Variants in CDIN1 observed in about 807,000 individuals in gnomAD.
CDIN1 encodes the protein CDAN1-interacting nuclease 1.
In CDIN1, 33 loss-of-function variants were observed where a neutral mutation model predicts 45.3. The ratio of observed to expected loss-of-function variants is 0.73; its 90% CI spans 0.55 to 0.97. The LOEUF (loss-of-function observed/expected upper bound fraction) is 0.97. CDIN1 is among the 50% of genes least tolerant of loss of function. CDIN1 has a pLI of 0.00. For synonymous variants in CDIN1, 118 were observed against 124.4 expected (o/e 0.95, Z 0.34); for missense variants, 303 against 339.4 (o/e 0.89, Z 0.84).
Position 36,694,644 on chromosome 15 carries a change from T to G in CDIN1, c.476+2469T>G, listed in dbSNP as rs1666904802. Among the ~76,000 whole-genome samples, 3 of 152,144 alleles carry G rather than the reference T, an allele frequency of 2.0e-5. No individual in the cohort carries two copies. In the South Asian group the frequency reaches 6.2e-4, roughly 32 times the overall value. ...CCACCTACACCTTTCCCACCACAGC[T>G]TATACTCACCAAGGAAAAAATGTGA... On this transcript the variant is annotated intron_variant, in intron 7 of 10. Transcript: ENST00000566621.
intron 10 of CDIN1, among the ~76,000 whole-genome samples, chr15:36,725,648 G>T (rs2043596617): frequency 6.6e-6 from 1 of 152,182 alleles, no homozygotes. Flanking sequence ...TGAAGAGTTA[G>T]TTGGAGGCAA....
chr15:36,600,133 T>C (rs1226432976), intron 1 of CDIN1, among the ~76,000 whole-genome samples: 2 of 152,334 alleles, frequency 1.3e-5, no homozygotes, highest in South Asian at 4.1e-4. Context: ...AGAGGCCTCT[T>C]AGGCCCTTTT....
At chr15:36,699,241 G>GT (rs2042546656) in intron 8 of CDIN1, among the ~76,000 whole-genome samples, 1 of 152,078 alleles carries the variant, frequency 6.6e-6, no homozygotes, top group Non-Finnish European at 1.5e-5. Flanking sequence ...TATGTTTGTG[G>GT]TTGAAAAATG....
Position 36,749,213 on chromosome 15 carries a change from A to C in CDIN1, c.716+39252A>C, listed in dbSNP as rs187797478. 4.1e-3 allele frequency among the ~76,000 whole-genome samples: 629 copies of C among 152,330 alleles called. 2 individuals carry two copies. Among genetic ancestry groups the C allele is most frequent in the Non-Finnish European group, 6.7e-3 (458 of 68,016 alleles). ...ACCATTAACTTGGATTTCTGTTCTT[A>C]ATTTTAATGTATACGATTTCAAGCA... is the stretch of plus-strand genomic sequence containing the variant. On this transcript the variant is annotated intron_variant, in intron 10 of 10. Transcript: ENST00000566621.
chr15:36,766,693 T>C (rs1277106505), intron 10 of CDIN1, among the ~76,000 whole-genome samples: 1 of 152,238 alleles, frequency 6.6e-6, no homozygotes, highest in Non-Finnish European at 1.5e-5. Context: ...AGTTTTCTTA[T>C]ACCTATTGGC....
At chr15:36,626,587 C>G in intron 1 of CDIN1, 1 of 263,386 alleles carries the variant, frequency 3.8e-6, no homozygotes, top group Non-Finnish European at 7.3e-6. Flanking sequence ...TAATAGCAAG[C>G]AATATGCTTG....
intron 1 of CDIN1, among the ~76,000 whole-genome samples, chr15:36,595,658 C>G (rs927500457): frequency 6.6e-6 from 1 of 152,176 alleles, no homozygotes; most frequent in African/African-American, 2.4e-5. Context: ...CTGATCAGCT[C>G]TGAAGCACTG....
At chr15:36,802,359 A>ATG (rs1482992434) in intron 10 of CDIN1, among the ~76,000 whole-genome samples, 1 of 152,194 alleles carries the variant, frequency 6.6e-6, no homozygotes, top group African/African-American at 2.4e-5. Context: ...ATCTTTATAG[A>ATG]CATAATGATT....
At chr15:36,753,518 G>C (rs562209910) in intron 10 of CDIN1, among the ~76,000 whole-genome samples, 76 of 151,770 alleles carry the variant, frequency 5.0e-4, no homozygotes, top group African/African-American at 1.6e-3. Flanking sequence ...TCAATACCTA[G>C]CTTGGAACTC....
At chr15:36,737,408 G>A (rs761530113) in intron 10 of CDIN1, among the ~76,000 whole-genome samples, 78 of 152,322 alleles carry the variant, frequency 5.1e-4, no homozygotes, top group Non-Finnish European at 9.1e-4. Context: ...TTGCCAGAGT[G>A]TGCCACCGTA....
rs1195769982 is a variant in CDIN1, at chr15:36,809,850, AG to A, written c.*1399del. 2 of 152,186 alleles carry A rather than the reference AG, an allele frequency of 1.3e-5. No homozygotes were observed. The highest frequency in any genetic ancestry group is 2.4e-5 in the African/African-American group (1 of 41,448). The allele number at this position is 152,186 out of a possible 1,614,324, so 9.4% of individuals were successfully genotyped here. On this transcript the variant is annotated 3_prime_UTR_variant, in exon 11 of 11. Transcript: ENST00000566621. ...ATATGCCTGCTGCTTTTCCTTTTGA[AG>A]GACACAAACCTGGTCCCAACATGTG...
intron 8 of CDIN1, chr15:36,707,482 T>C (rs1436920399): frequency 6.6e-6 from 1 of 152,182 alleles, no homozygotes; most frequent in African/African-American, 2.4e-5. Flanking sequence ...GCAATTTAAA[T>C]TGTAGATATT....
intron 1 of CDIN1, among the ~76,000 whole-genome samples, chr15:36,610,513 A>G (rs2140270924): frequency 6.6e-6 from 1 of 152,340 alleles, no homozygotes. Context: ...GCTTTCTTTC[A>G]CATCCACTTC....
chr15:36,733,016 A>G (rs1336904275), intron 10 of CDIN1, among the ~76,000 whole-genome samples: 1 of 152,098 alleles, frequency 6.6e-6, no homozygotes, highest in Non-Finnish European at 1.5e-5. Flanking sequence ...ACTTATTAGC[A>G]TACTTCTTTG....
chr15:36,631,918 A>T (rs2039696059), intron 1 of CDIN1, among the ~76,000 whole-genome samples: 1 of 152,090 alleles, frequency 6.6e-6, no homozygotes, highest in Non-Finnish European at 1.5e-5. Context: ...GCAGCCCTGA[A>T]CTCCTGGGCT....
intron 1 of CDIN1, among the ~76,000 whole-genome samples, chr15:36,589,816 TTTC>T (rs2037490512): frequency 6.6e-6 from 1 of 152,224 alleles, no homozygotes; most frequent in African/African-American, 2.4e-5. Flanking sequence ...CAGTTCTCCA[TTTC>T]TTAGGGGAAC....
chr15:36,657,725 T>C, intron 4 of CDIN1, 108 bp from the exon 5 acceptor site: 1 of 818,796 alleles, frequency 1.2e-6, no homozygotes, highest in East Asian at 2.7e-5. Flanking sequence ...GAATGATGCT[T>C]GCTATGGTTG....
chr15:36,685,752 T>C (rs1423134898), intron 5 of CDIN1, among the ~76,000 whole-genome samples: 1 of 151,976 alleles, frequency 6.6e-6, no homozygotes, highest in Non-Finnish European at 1.5e-5. Flanking sequence ...GGGCAAAGGA[T>C]ATGAACAGAC....
chr15:36,637,381 G>T (rs181894130), intron 1 of CDIN1, among the ~76,000 whole-genome samples: 1 of 152,172 alleles, frequency 6.6e-6, no homozygotes, highest in East Asian at 1.9e-4. Flanking sequence ...CAAAATAAAA[G>T]AATAAATTGG....
Sources: gnomAD v4.1 joint callset for allele counts (sites outside exome capture counted in the v4.1 genomes callset) on GRCh38, gnomAD v4.1.1 for gene constraint, MANE v1.5 for transcripts, NCBI Gene and HGNC (gene_info 2026-07-23, HGNC 2026-07-21) for gene names.